The following PSMB1 variants were observed in gnomAD, a reference collection of about 807,000 sequenced individuals.
PSMB1 encodes proteasome subunit beta type-1.
A neutral mutation model predicts 25.4 loss-of-function variants in PSMB1; 7 were observed. The ratio of observed to expected loss-of-function variants is 0.28; its 90% CI spans 0.16 to 0.52. The LOEUF is 0.52. Among genes scored for constraint, PSMB1 ranks in the 20% least tolerant of loss-of-function variants. The probability of loss-of-function intolerance (pLI) is 0.97; values close to 1 mark genes in which losing one functional copy is unlikely to be tolerated. For synonymous variants in PSMB1, 119 were observed against 115.0 expected, an observed-to-expected ratio of 1.03 and a Z score of -0.22; for missense variants, 284 against 302.2, an observed-to-expected ratio of 0.94 and a Z score of 0.45.
chr6:170,537,915 G>A (rs1778714555), intron 4 of PSMB1, among the ~76,000 whole-genome samples: 1 of 152,188 alleles, frequency 6.6e-6, no homozygotes, highest in African/African-American at 2.4e-5. Flanking sequence ...TAACGAAGAG[G>A]AGAACTTGAA....
At chr6:170,544,324 G>A (rs780108151) in intron 3 of PSMB1, among the ~76,000 whole-genome samples, 7 of 152,156 alleles carry the variant, frequency 4.6e-5, no homozygotes, top group Non-Finnish European at 1.0e-4. Flanking sequence ...CCCTTACTCT[G>A]CATGATTTTA....
In PSMB1 at chr6:170,549,048, C is replaced by G. The variant is rs1222551087; in HGVS notation, c.179G>C (p.Gly60Ala). Residue 60 changes from glycine to alanine, a missense_variant, in exon 2 of 6, where the codon GGG becomes GCG. By Grantham distance (60) the Gly-to-Ala change is moderately conservative. Transcript: ENST00000262193. ...IVASDTRLSE[G>A]FSIHTRDSPK... ...GCTATCCCGCGTATGAATTGAAAAC[C>G]CTTCACTCAATCGAGTATCAGAAGC... 3 of 1,613,564 alleles carry G rather than the reference C, an allele frequency of 1.9e-6. No individual in the cohort carries two copies. Among genetic ancestry groups the G allele is most frequent in the Non-Finnish European group, 2.5e-6 (3 of 1,179,764 alleles).
chr6:170,541,193 GA>G (rs1428143293), intron 4 of PSMB1, among the ~76,000 whole-genome samples: 1 of 152,044 alleles, frequency 6.6e-6, no homozygotes, highest in Non-Finnish European at 1.5e-5. Flanking sequence ...GGAGCAAGGG[GA>G]AAAGGGATCC....
intron 2 of PSMB1, among the ~76,000 whole-genome samples, chr6:170,546,499 CTT>C (rs1214590674): frequency 2.6e-5 from 4 of 152,150 alleles, no homozygotes; most frequent in African/African-American, 4.8e-5. Flanking sequence ...GAGTTTCGCT[CTT>C]GTCACCCAGG....
chr6:170,538,826 C>A (rs573063077), intron 4 of PSMB1, among the ~76,000 whole-genome samples: 35 of 152,248 alleles, frequency 2.3e-4, no homozygotes, highest in Non-Finnish European at 3.8e-4. Context: ...TCACAGCAGG[C>A]AATCCACTAA....
chr6:170,551,591 T>C (rs758624715), intron 1 of PSMB1, among the ~76,000 whole-genome samples: 1 of 151,914 alleles, frequency 6.6e-6, no homozygotes, highest in African/African-American at 2.4e-5. Context: ...TACTGAACAC[T>C]GAAAATTCTT....
At chr6:170,539,357 A>G (rs1372596583) in intron 4 of PSMB1, among the ~76,000 whole-genome samples, 2 of 152,218 alleles carry the variant, frequency 1.3e-5, no homozygotes, top group African/African-American at 4.8e-5. Context: ...GCACCACCCA[A>G]AAGAGACAAA....
chr6:170,536,511 T>C (rs1303560934), intron 5 of PSMB1: 2 of 456,214 alleles, frequency 4.4e-6, no homozygotes, highest in East Asian at 6.9e-5. Context: ...GTACTGTAGA[T>C]TGAGGTCTGC....
chr6:170,540,937 G>C (rs1446414926), intron 4 of PSMB1, among the ~76,000 whole-genome samples: 1 of 152,072 alleles, frequency 6.6e-6, no homozygotes, highest in East Asian at 1.9e-4. Context: ...AGGGGTAGGG[G>C]AGGAGGAGAG....
chr6:170,536,099 T>C (rs1477916601), intron 5 of PSMB1, among the ~76,000 whole-genome samples: 3 of 152,158 alleles, frequency 2.0e-5, no homozygotes, highest in African/African-American at 7.2e-5. Context: ...CAGGCGGCCT[T>C]TGAATAACAC....
intron 4 of PSMB1, 31 bp downstream of exon 4, chr6:170,543,570 C>G (rs529002039): frequency 1.9e-6 from 3 of 1,573,796 alleles, no homozygotes; most frequent in South Asian, 2.3e-5. Context: ...ACTCCTCCCC[C>G]CCACCATTTT....
intron 4 of PSMB1, among the ~76,000 whole-genome samples, chr6:170,538,122 C>G (rs1778716912): frequency 6.6e-6 from 1 of 152,048 alleles, no homozygotes; most frequent in Non-Finnish European, 1.5e-5. Context: ...GAATTAGAGG[C>G]AAGAAAAGAA....
rs148258527 is a variant in PSMB1, at chr6:170,549,271, G to C, written c.114-158C>G. ...AAAGATGAGCGGGAAGAGAATGAAC[G>C]CCTGGCTACGAGTTGTCTGGGAAAA... On this transcript the variant is annotated intron_variant, in intron 1 of 5. Coordinates refer to ENST00000262193, the MANE Select transcript of PSMB1 (RefSeq NM_002793.4). 7.8e-6 allele frequency: 4 copies of C among 510,958 alleles called. No homozygotes were observed. In the East Asian group the frequency reaches 9.1e-5, roughly 12 times the overall value. The allele number at this position is 510,958 out of a possible 1,614,324, so 31.7% of individuals were successfully genotyped here. A position where few individuals can be genotyped will look rare whatever the true frequency, so the allele number is the denominator to read the frequency against.
intron 4 of PSMB1, among the ~76,000 whole-genome samples, chr6:170,541,845 A>G (rs148162743): frequency 2.6e-5 from 4 of 152,338 alleles, no homozygotes; most frequent in Admixed American, 1.3e-4. Flanking sequence ...CTTAGTAGGT[A>G]TCAGCTTTCC....
intron 4 of PSMB1, among the ~76,000 whole-genome samples, chr6:170,540,942 G>A (rs1350657868): frequency 6.6e-6 from 1 of 151,974 alleles, no homozygotes; most frequent in Non-Finnish European, 1.5e-5. Flanking sequence ...TAGGGGAGGA[G>A]GAGAGGAAAG....
In PSMB1 at chr6:170,553,302, C is replaced by G; in HGVS notation, c.-60G>C. ...TCTCACGGCGAGATGGCTGCCTTGA[C>G]CGGACGTTACGCCACTTCCGGCTTC... is the stretch of plus-strand genomic sequence containing the variant. On this transcript the variant is annotated 5_prime_UTR_variant, in exon 1 of 6. Transcript: ENST00000262193. 1 of 1,282,656 alleles carries G rather than the reference C, an allele frequency of 7.8e-7. No homozygotes were observed. Among genetic ancestry groups the G allele is most frequent in the Non-Finnish European group, 1.1e-6 (1 of 903,162 alleles). The allele number at this position is 1,282,656 out of a possible 1,614,324, so 79.5% of individuals were successfully genotyped here. A position where few individuals can be genotyped will look rare whatever the true frequency, so the allele number is the denominator to read the frequency against.
intron 3 of PSMB1, among the ~76,000 whole-genome samples, chr6:170,544,947 C>A (rs1778800536): frequency 6.6e-6 from 1 of 152,028 alleles, no homozygotes; most frequent in African/African-American, 2.4e-5. Flanking sequence ...GGGTTCGAGA[C>A]CAGCCTGGCC....
At chr6:170,551,185 T>A (rs1199623619) in intron 1 of PSMB1, among the ~76,000 whole-genome samples, 9 of 151,984 alleles carry the variant, frequency 5.9e-5, no homozygotes, top group Admixed American at 5.9e-4. Flanking sequence ...GGGGAATAAT[T>A]AGCTTGCTTT....
chr6:170,549,553 G>A (rs1203072967), intron 1 of PSMB1: 2 of 153,264 alleles, frequency 1.3e-5, no homozygotes, highest in East Asian at 1.9e-4. Flanking sequence ...CTTATATAAC[G>A]CCTATATAAT....
Sources: gnomAD v4.1 joint callset for allele counts (sites outside exome capture counted in the v4.1 genomes callset) on GRCh38, gnomAD v4.1.1 for gene constraint, MANE v1.5 for transcripts, NCBI Gene and HGNC (gene_info 2026-07-23, HGNC 2026-07-21) for gene names.